SMOC1: variants seen among roughly 807,000 people sequenced by gnomAD.
The protein encoded by SMOC1 is SPARC-related modular calcium-binding protein 1.
In SMOC1, 22 loss-of-function variants were observed where a neutral mutation model predicts 56.3. The observed-to-expected ratio is 0.39, with a 90% CI of 0.28 to 0.56. The LOEUF (loss-of-function observed/expected upper bound fraction) is 0.56. Among genes scored for constraint, SMOC1 ranks in the 20% least tolerant of loss-of-function variants. SMOC1 has a pLI of 0.61. For missense variants in SMOC1, 509 were observed against 565.4 expected (o/e 0.90, Z 1.01); for synonymous variants, 193 against 215.0 (o/e 0.90, Z 0.89).
intron 1 of SMOC1, among the ~76,000 whole-genome samples, chr14:69,916,866 T>C (rs1884699325): frequency 6.6e-6 from 1 of 152,198 alleles, no homozygotes; most frequent in African/African-American, 2.4e-5. Context: ...TGTCAGTTGG[T>C]TCTGTCCTCC....
At chr14:69,992,394 A>T in intron 5 of SMOC1, 23 bp from the exon 6 acceptor site, 4 of 1,613,668 alleles carry the variant, frequency 2.5e-6, no homozygotes, top group African/African-American at 1.3e-5. Context: ...TCTCCTTTCG[A>T]TTCTTTTTAA....
intron 1 of SMOC1, among the ~76,000 whole-genome samples, chr14:69,937,628 C>T (rs1003567179): frequency 9.2e-5 from 14 of 152,208 alleles, no homozygotes; most frequent in African/African-American, 3.1e-4. Flanking sequence ...GTCTGAGCGA[C>T]GCAGTGGGGA....
intron 9 of SMOC1, among the ~76,000 whole-genome samples, chr14:70,012,138 C>A (rs1365477262): frequency 6.6e-6 from 1 of 152,228 alleles, no homozygotes; most frequent in African/African-American, 2.4e-5. Flanking sequence ...TGTCTTTACA[C>A]AGCACAAAGT....
intron 1 of SMOC1, among the ~76,000 whole-genome samples, chr14:69,947,149 C>T (rs1307403973): frequency 1.3e-5 from 2 of 149,836 alleles, no homozygotes; most frequent in Non-Finnish European, 3.0e-5. Flanking sequence ...TTCCTTCTTC[C>T]TTCACTCCCT....
intron 1 of SMOC1, among the ~76,000 whole-genome samples, chr14:69,921,795 A>G (rs1274009925): frequency 6.6e-6 from 1 of 152,208 alleles, no homozygotes; most frequent in Non-Finnish European, 1.5e-5. Flanking sequence ...CTTTTATAAA[A>G]TGGCTCAGAG....
chr14:69,886,893 A>G (rs1446922864), intron 1 of SMOC1, among the ~76,000 whole-genome samples: 2 of 152,234 alleles, frequency 1.3e-5, no homozygotes, highest in African/African-American at 2.4e-5. Context: ...GGAAACAATC[A>G]TCTTAGAATC....
At chr14:69,921,055 T>C (rs1379544278) in intron 1 of SMOC1, among the ~76,000 whole-genome samples, 2 of 152,182 alleles carry the variant, frequency 1.3e-5, no homozygotes, top group Non-Finnish European at 2.9e-5. Flanking sequence ...CCAAAGCCCA[T>C]GGTCCTCCTG....
chr14:69,928,620 G>C (rs969208591), intron 1 of SMOC1, among the ~76,000 whole-genome samples: 7 of 151,922 alleles, frequency 4.6e-5, no homozygotes, highest in Non-Finnish European at 7.4e-5. Flanking sequence ...CTCATTGGGG[G>C]GGGGGTCCCT....
chr14:69,977,835 C>A, intron 4 of SMOC1, 83 bp from the exon 5 acceptor site: 1 of 1,025,818 alleles, frequency 9.7e-7, no homozygotes, highest in Non-Finnish European at 1.6e-6. Flanking sequence ...ATGCTCATAA[C>A]ATCAGGTTTT....
At chr14:69,883,888 C>CTTT (rs1566659816) in intron 1 of SMOC1, among the ~76,000 whole-genome samples, 7 of 59,166 alleles carry the variant, frequency 1.2e-4, no homozygotes, top group African/African-American at 2.4e-4. Flanking sequence ...TGATGTTGAG[C>CTTT]ATTTTTTTTT....
chr14:69,897,120 C>G (rs1884119567), intron 1 of SMOC1, among the ~76,000 whole-genome samples: 1 of 152,138 alleles, frequency 6.6e-6, no homozygotes, highest in African/African-American at 2.4e-5. Context: ...ACTGGAGGGG[C>G]AGTGCCTGGC....
chr14:69,933,917 G>A lies in SMOC1; in HGVS notation c.100-18221G>A, dbSNP rs375204765. Among the ~76,000 whole-genome samples, 168 of 152,292 alleles carry A rather than the reference G, an allele frequency of 1.1e-3. 1 individual carries two copies. In the South Asian group the frequency reaches 0.034, roughly 30 times the overall value. ...TTCAGTGAAAGTATGTTGAAACCAT[G>A]GGATGCAGTTTAAAAAACTGATTTA... is the stretch of plus-strand genomic sequence containing the variant. On this transcript the variant is annotated intron_variant, in intron 1 of 11. Transcript: ENST00000361956.
chr14:69,990,738 T>G (rs1278646161), intron 5 of SMOC1, among the ~76,000 whole-genome samples: 1 of 152,242 alleles, frequency 6.6e-6, no homozygotes, highest in African/African-American at 2.4e-5. Flanking sequence ...GACTCCAGTT[T>G]GAGGCAAATA....
intron 3 of SMOC1, among the ~76,000 whole-genome samples, chr14:69,958,731 A>G (rs548861319): frequency 1.3e-5 from 2 of 152,338 alleles, no homozygotes; most frequent in African/African-American, 2.4e-5. Context: ...ATGTGAAACT[A>G]TTTAGCCACA....
intron 9 of SMOC1, 56 bp from the exon 10 acceptor site, chr14:70,013,330 G>A: frequency 6.8e-7 from 1 of 1,463,472 alleles, no homozygotes; most frequent in East Asian, 2.3e-5. Flanking sequence ...AGTTGAGAAA[G>A]CTGTTGACTT....
chr14:70,029,917 G>A (rs1448269863), intron 11 of SMOC1, among the ~76,000 whole-genome samples: 1 of 152,206 alleles, frequency 6.6e-6, no homozygotes. Context: ...TGGCATGTGA[G>A]AGTAGTGTGA....
At chr14:69,959,806 G>C (rs1369743288) in intron 3 of SMOC1, among the ~76,000 whole-genome samples, 1 of 152,116 alleles carries the variant, frequency 6.6e-6, no homozygotes, top group African/African-American at 2.4e-5. Flanking sequence ...AAAATGTTCT[G>C]TGGCTTTTTG....
chr14:69,946,345 T>G (rs148282479), intron 1 of SMOC1, among the ~76,000 whole-genome samples: 1 of 152,352 alleles, frequency 6.6e-6, no homozygotes, highest in Admixed American at 6.5e-5. Flanking sequence ...CAAGTATCCA[T>G]CCTACTTTAC....
chr14:70,005,681 A>G (rs1391522982), intron 7 of SMOC1, among the ~76,000 whole-genome samples: 2 of 151,924 alleles, frequency 1.3e-5, no homozygotes, highest in Admixed American at 1.3e-4. Flanking sequence ...TGTCAGTGAA[A>G]CTTTAACCAC....
Sources: gnomAD v4.1 joint callset for allele counts (sites outside exome capture counted in the v4.1 genomes callset) on GRCh38, gnomAD v4.1.1 for gene constraint, MANE v1.5 for transcripts, NCBI Gene and HGNC (gene_info 2026-07-23, HGNC 2026-07-21) for gene names.